MAPK10: variants seen among roughly 807,000 people sequenced by gnomAD.
MAPK10 encodes mitogen-activated protein kinase 10.
Under a neutral mutation model 59.3 loss-of-function variants are expected in MAPK10, and 25 were observed. That is an observed-to-expected ratio of 0.42 (90% confidence interval 0.31 to 0.59). The LOEUF (loss-of-function observed/expected upper bound fraction) is 0.59, where lower values mean the gene tolerates loss of function less well. MAPK10 is among the 20% of genes least tolerant of loss of function. MAPK10 has a pLI of 0.15. For synonymous variants in MAPK10, 190 were observed against 200.5 expected, an observed-to-expected ratio of 0.95 and a Z score of 0.44; for missense variants, 351 against 568.9, an observed-to-expected ratio of 0.62 and a Z score of 3.90.
chr4:86,372,685 G>A (rs1183266120), intron 1 of MAPK10, among the ~76,000 whole-genome samples: 1 of 152,016 alleles, frequency 6.6e-6, no homozygotes, highest in Non-Finnish European at 1.5e-5. Flanking sequence ...CAAAATTAAG[G>A]CAGAAATAAA....
intron 4 of MAPK10, among the ~76,000 whole-genome samples, chr4:86,112,217 G>A (rs577450482): frequency 1.2e-3 from 177 of 149,066 alleles, no homozygotes; most frequent in Admixed American, 4.4e-3. Flanking sequence ...ATCTCCTTCA[G>A]TTCTGCTCTG....
At chr4:86,576,707 G>A (rs532943378) in intron 1 of MAPK10, among the ~76,000 whole-genome samples, 2 of 151,902 alleles carry the variant, frequency 1.3e-5, no homozygotes, top group South Asian at 4.2e-4. Flanking sequence ...CCCGGGAGGC[G>A]GAGCTTGCAG....
intron 3 of MAPK10, among the ~76,000 whole-genome samples, chr4:86,181,982 C>A (rs1200128295): frequency 1.3e-5 from 2 of 152,086 alleles, no homozygotes; most frequent in African/African-American, 4.8e-5. Flanking sequence ...TTCTGTACCT[C>A]TGTTCAATTG....
intron 2 of MAPK10, among the ~76,000 whole-genome samples, chr4:86,269,994 G>A (rs1400771340): frequency 6.6e-6 from 1 of 151,984 alleles, no homozygotes; most frequent in Non-Finnish European, 1.5e-5. Flanking sequence ...GTGTTTTGAA[G>A]ATGTTACATC....
chr4:86,114,678 G>T (rs1418784869), intron 4 of MAPK10, among the ~76,000 whole-genome samples: 6 of 152,214 alleles, frequency 3.9e-5, no homozygotes, highest in Admixed American at 3.9e-4. Flanking sequence ...TCAGGGAACT[G>T]TTTAAAGAAC....
intron 13 of MAPK10, chr4:86,027,942 TGAATA>T (rs1473571429): frequency 6.6e-6 from 1 of 152,218 alleles, no homozygotes; most frequent in Non-Finnish European, 1.5e-5. Context: ...GAACTGAAGA[TGAATA>T]GAATAGGTTC....
At chr4:86,058,893 T>G (rs1337848486) in intron 11 of MAPK10, among the ~76,000 whole-genome samples, 1 of 152,132 alleles carries the variant, frequency 6.6e-6, no homozygotes, top group African/African-American at 2.4e-5. Context: ...CCTTCTCTCT[T>G]TCTTCTGATC....
At chr4:86,090,268 T>C (rs577158807) in intron 9 of MAPK10, 1 of 152,206 alleles carries the variant, frequency 6.6e-6, no homozygotes, top group Admixed American at 6.5e-5. Context: ...GGGAAAGGCA[T>C]TAAGATAGCA....
Position 86,550,374 on chromosome 4 carries a change from T to TAAAA in MAPK10, c.-263+43532_-263+43535dup, listed in dbSNP as rs753508493. Among the ~76,000 whole-genome samples the TAAAA allele has an allele frequency of 7.8e-4, 60 of 77,392 alleles. 13 individuals are homozygous for TAAAA. The highest frequency in any genetic ancestry group is 1.9e-3 in the African/African-American group (27 of 14,122). 50.8% of individuals were successfully genotyped at this position (77,392 alleles called of 152,430 possible). A position where few individuals can be genotyped will look rare whatever the true frequency, so the allele number is the denominator to read the frequency against. On this transcript the variant is annotated intron_variant, in intron 1 of 4. Transcript: ENST00000502302. ...CAGAAGGGCTAAGCAGAGCTTCAGT[T>TAAAA]AAAAAAAAAAAAAAAAAAAAAAAAA...
chr4:86,371,228 ATC>A (rs1738706499), intron 1 of MAPK10, among the ~76,000 whole-genome samples: 1 of 17,168 alleles, frequency 5.8e-5, no homozygotes, highest in Non-Finnish European at 2.9e-4. Flanking sequence ...CATTAATATC[ATC>A]ATTATTTTAG....
chr4:86,370,404 AAT>A (rs1348394020), intron 1 of MAPK10, among the ~76,000 whole-genome samples: 1 of 152,160 alleles, frequency 6.6e-6, no homozygotes, highest in African/African-American at 2.4e-5. Flanking sequence ...ATTGAGCAAA[AAT>A]AGTGTCACTG....
intron 11 of MAPK10, among the ~76,000 whole-genome samples, chr4:86,041,474 G>A (rs1234072142): frequency 2.0e-5 from 3 of 152,088 alleles, no homozygotes; most frequent in Admixed American, 1.3e-4. Context: ...AAGAAAAATT[G>A]ACAATTGGGA....
chr4:86,566,860 T>C (rs1761095930), intron 1 of MAPK10, among the ~76,000 whole-genome samples: 1 of 152,028 alleles, frequency 6.6e-6, no homozygotes, highest in South Asian at 2.1e-4. Flanking sequence ...ACTTGAGCCC[T>C]AAGTTCAAGA....
chr4:86,401,162 C>T (rs1743668650), intron 1 of MAPK10, among the ~76,000 whole-genome samples: 1 of 151,998 alleles, frequency 6.6e-6, no homozygotes, highest in African/African-American at 2.4e-5. Context: ...AATTTTGAGT[C>T]AAAACACAAT....
intron 11 of MAPK10, among the ~76,000 whole-genome samples, chr4:86,054,319 C>G (rs898785151): frequency 6.6e-6 from 1 of 152,122 alleles, no homozygotes; most frequent in Non-Finnish European, 1.5e-5. Context: ...GTGGCTAACT[C>G]TATCTACAAC....
intron 5 of MAPK10, 113 bp downstream of exon 5, chr4:86,107,110 A>G: frequency 1.3e-6 from 1 of 770,570 alleles, no homozygotes; most frequent in Non-Finnish European, 2.1e-6. Flanking sequence ...AACAATCTTA[A>G]GAGGCAGGAA....
chr4:86,310,213 T>C (rs989950368), intron 2 of MAPK10, among the ~76,000 whole-genome samples: 1 of 152,182 alleles, frequency 6.6e-6, no homozygotes, highest in Non-Finnish European at 1.5e-5. Flanking sequence ...TCATGTCTCA[T>C]GTCTCCCTAA....
intron 1 of MAPK10, among the ~76,000 whole-genome samples, chr4:86,515,410 C>T (rs1431154396): frequency 6.6e-6 from 1 of 152,198 alleles, no homozygotes; most frequent in Non-Finnish European, 1.5e-5. Flanking sequence ...GTAATCTCCA[C>T]ACTGTTTTTT....
chr4:86,226,703 C>T (rs1028035746), intron 2 of MAPK10, among the ~76,000 whole-genome samples: 1 of 152,104 alleles, frequency 6.6e-6, no homozygotes, highest in African/African-American at 2.4e-5. Context: ...GAAGAGAGTT[C>T]CAGAAAATAA....
Sources: gnomAD v4.1 joint callset for allele counts (sites outside exome capture counted in the v4.1 genomes callset) on GRCh38, gnomAD v4.1.1 for gene constraint, MANE v1.5 for transcripts, NCBI Gene and HGNC (gene_info 2026-07-23, HGNC 2026-07-21) for gene names.